MCPH1: variants seen among roughly 807,000 people sequenced by gnomAD.
MCPH1 encodes microcephalin 1, also known as microcephalin.
In MCPH1, 104 loss-of-function variants were observed where a neutral mutation model predicts 84.5. The ratio of observed to expected loss-of-function variants is 1.23; its 90% CI spans 1.05 to 1.45. The LOEUF (loss-of-function observed/expected upper bound fraction) is 1.45, where lower values mean the gene tolerates loss of function less well. MCPH1 is among the 40% of genes most tolerant of loss of function. The probability of loss-of-function intolerance (pLI) is 0.00; values close to 1 mark genes in which losing one functional copy is unlikely to be tolerated. For synonymous variants in MCPH1, 514 were observed against 366.8 expected (o/e 1.40, Z -4.58); for missense variants, 1,498 against 1,005.7 (o/e 1.49, Z -6.62).
chr8:6,496,587 A>T (rs1296562111), intron 11 of MCPH1, among the ~76,000 whole-genome samples: 1 of 150,576 alleles, frequency 6.6e-6, no homozygotes, highest in Non-Finnish European at 1.5e-5. Flanking sequence ...TAGTACCACA[A>T]CTGCAGTTGA....
At chr8:6,466,508 C>G (rs1015602489) in intron 9 of MCPH1, among the ~76,000 whole-genome samples, 19 of 152,168 alleles carry the variant, frequency 1.2e-4, no homozygotes, top group Admixed American at 2.6e-4. Flanking sequence ...GAGGTTTCGC[C>G]GTATTAGCCA....
At chr8:6,627,110 T>C in intron 13 of MCPH1, 1 of 984,848 alleles carries the variant, frequency 1.0e-6, no homozygotes, top group East Asian at 1.1e-4. Context: ...CTTCTCATGC[T>C]GGCCTGGCTC....
At chr8:6,522,679 C>G (rs1586338423) in intron 12 of MCPH1, among the ~76,000 whole-genome samples, 1 of 151,336 alleles carries the variant, frequency 6.6e-6, no homozygotes, top group South Asian at 2.1e-4. Context: ...GAGGCTGAGG[C>G]AGGAGAACTG....
chr8:6,456,445 G>A (rs3020276), intron 9 of MCPH1, among the ~76,000 whole-genome samples: 5 of 152,030 alleles, frequency 3.3e-5, no homozygotes, highest in Admixed American at 6.6e-5. Context: ...CTACATGGCC[G>A]CTTGACCTAG....
At position 6,626,287 on chromosome 8, in the gene MCPH1, G is replaced by A. The variant is rs550290639; in HGVS notation, c.2452+4596G>A. 1,073 of 985,286 alleles carry A rather than the reference G, an allele frequency of 1.1e-3. 7 individuals are homozygous for A. In the African/African-American group the frequency reaches 0.018, roughly 16 times the overall value. The allele number at this position is 985,286 out of a possible 1,614,324, so 61.0% of individuals were successfully genotyped here. On this transcript the variant is annotated intron_variant, in intron 13 of 13. Coordinates refer to ENST00000344683, the MANE Select transcript of MCPH1 (RefSeq NM_024596.5). ...AATGTAAGCCACGCCTCACTCACTTGCTCCCTGGAGAATTTCATCTGCGCC... is the reference window on the plus strand; with the variant it reads ...AATGTAAGCCACGCCTCACTCACTTACTCCCTGGAGAATTTCATCTGCGCC...
At chr8:6,507,292 C>G (rs939740809) in intron 12 of MCPH1, among the ~76,000 whole-genome samples, 2 of 152,204 alleles carry the variant, frequency 1.3e-5, no homozygotes, top group African/African-American at 4.8e-5. Flanking sequence ...TTGACCATAG[C>G]TGTTACCTTT....
At chr8:6,513,686 G>C in intron 12 of MCPH1, 3 of 1,608,388 alleles carry the variant, frequency 1.9e-6, no homozygotes, top group Non-Finnish European at 2.5e-6. Flanking sequence ...ACCTATAATT[G>C]AGTTCTTCAC....
intron 12 of MCPH1, among the ~76,000 whole-genome samples, chr8:6,564,014 C>T (rs1314598000): frequency 7.5e-6 from 1 of 133,002 alleles, no homozygotes; most frequent in African/African-American, 2.8e-5. Context: ...CGGAGTCTCG[C>T]TCTGTCGACC....
rs2129573049 is a variant in MCPH1 at position 6,538,338 on chromosome 8, T to C, written c.2214+38409T>C. Among the ~76,000 whole-genome samples the C allele has an allele frequency of 2.0e-5, 3 of 152,318 alleles. 1 individual carries two copies. The South Asian group carries it at 6.2e-4, about 32-fold the overall frequency. The stretch of plus-strand genomic sequence containing the variant: ...TCTTCCCGCCCAGGGTCCACTGTCC[T>C]CTCTGTCTCTTGCTGGCCACGCATC... On this transcript the variant is annotated intron_variant, in intron 12 of 13. Coordinates refer to ENST00000344683, the MANE Select transcript of MCPH1 (RefSeq NM_024596.5).
At chr8:6,482,719 C>T (rs1478973168) in intron 11 of MCPH1, among the ~76,000 whole-genome samples, 2 of 152,190 alleles carry the variant, frequency 1.3e-5, no homozygotes, top group African/African-American at 2.4e-5. Flanking sequence ...CAGTGTTCTG[C>T]TAGTACTCCA....
chr8:6,524,076 T>C (rs903882307), intron 12 of MCPH1, among the ~76,000 whole-genome samples: 4 of 152,148 alleles, frequency 2.6e-5, no homozygotes, highest in African/African-American at 9.7e-5. Flanking sequence ...CTTTTAAAAA[T>C]AGAAAAACAG....
rs761964470 is a variant in MCPH1, at chr8:6,643,087, C to G, written c.*38C>G. 44 of 1,561,696 alleles carry G rather than the reference C, an allele frequency of 2.8e-5. No individual in the cohort carries two copies. Among genetic ancestry groups the G allele is most frequent in the Non-Finnish European group, 3.9e-5 (44 of 1,132,876 alleles). ...TGGCCTGTGGTGACTGCACACAGCT[C>G]GCAAAACTGTCTTTGGATGTTCAAA... On this transcript the variant is annotated 3_prime_UTR_variant, in exon 14 of 14. Transcript: ENST00000344683.
intron 12 of MCPH1, among the ~76,000 whole-genome samples, chr8:6,510,080 G>A (rs564769598): frequency 3.3e-5 from 5 of 152,238 alleles, no homozygotes; most frequent in African/African-American, 7.2e-5. Flanking sequence ...GCAAAAATAC[G>A]GCTTACATCG....
At chr8:6,632,715 A>C (rs563603057) in intron 13 of MCPH1, among the ~76,000 whole-genome samples, 1 of 152,310 alleles carries the variant, frequency 6.6e-6, no homozygotes, top group South Asian at 2.1e-4. Context: ...AGGCTGAGGC[A>C]GGAGAATCAC....
At chr8:6,462,146 T>C (rs1806362813) in intron 9 of MCPH1, among the ~76,000 whole-genome samples, 1 of 152,190 alleles carries the variant, frequency 6.6e-6, no homozygotes, top group South Asian at 2.1e-4. Context: ...AAATAGAGCA[T>C]ACTTATTTTG....
At chr8:6,462,119 G>C (rs780953090) in intron 9 of MCPH1, among the ~76,000 whole-genome samples, 1 of 152,208 alleles carries the variant, frequency 6.6e-6, no homozygotes, top group Non-Finnish European at 1.5e-5. Context: ...TGGAGGCCTG[G>C]AGAGATGTGA....
chr8:6,408,995 C>T (rs960387624), intron 1 of MCPH1, among the ~76,000 whole-genome samples: 2 of 151,948 alleles, frequency 1.3e-5, no homozygotes, highest in Non-Finnish European at 2.9e-5. Context: ...AAGTGATTCT[C>T]CTGCCTCAGC....
At chr8:6,553,079 A>C (rs1309926735) in intron 12 of MCPH1, among the ~76,000 whole-genome samples, 1 of 152,264 alleles carries the variant, frequency 6.6e-6, no homozygotes, top group East Asian at 1.9e-4. Context: ...GTACAGCACC[A>C]GATGTCAACT....
intron 6 of MCPH1, among the ~76,000 whole-genome samples, chr8:6,441,008 C>G (rs1454872111): frequency 6.6e-6 from 1 of 152,190 alleles, no homozygotes; most frequent in Non-Finnish European, 1.5e-5. Flanking sequence ...GTGTGCCTCC[C>G]AGCTAAGCCA....
Sources: allele counts gnomAD v4.1 joint callset (sites outside exome capture counted in the v4.1 genomes callset), GRCh38; gene constraint gnomAD v4.1.1; transcripts MANE v1.5; gene names NCBI Gene and HGNC (gene_info 2026-07-23, HGNC 2026-07-21).